The following RNF220 variants were observed in gnomAD, a reference collection of about 807,000 sequenced individuals.
RNF220 encodes the protein E3 ubiquitin-protein ligase RNF220.
RNF220 carries 7 observed loss-of-function variants against 67.1 expected under a neutral mutation model. The observed-to-expected ratio is 0.10, with a 90% CI of 0.06 to 0.20. The LOEUF (loss-of-function observed/expected upper bound fraction) is 0.20. RNF220 is among the 10% of genes least tolerant of loss of function. The pLI, the probability that RNF220 is intolerant of heterozygous loss-of-function variation, is 1.00. For synonymous variants in RNF220, 270 were observed against 283.2 expected (o/e 0.95, Z 0.47); for missense variants, 565 against 740.3 (o/e 0.76, Z 2.75).
rs1367038904 is a variant in RNF220, at chr1:44,649,675, C to T, written c.1460C>T (p.Ser487Leu). Reference protein sequence around the residue: ...NSDIEKITEDSAVTTFEALKA... With the variant: ...NSDIEKITEDLAVTTFEALKA... ...CCTTTTTACAGAATCACCGAAGATT[C>T]AGCTGTGACCACGTTTGAGGCTCTG... is the stretch of plus-strand genomic sequence containing the variant. The change falls in exon 13 of 15, where the codon TCA (serine) becomes TTA (leucine). Residue 487 changes from serine to leucine, a missense_variant. By Grantham distance (145) the Ser-to-Leu change is moderately radical. Coordinates refer to ENST00000361799, the MANE Select transcript of RNF220 (RefSeq NM_018150.4). This position sits in a 1 kb window ranked among gnomAD's most constrained non-coding sequence, Gnocchi z 5.9. 1 of 1,613,988 alleles carries T rather than the reference C, an allele frequency of 6.2e-7. No individual in the cohort carries two copies. Among genetic ancestry groups the T allele is most frequent in the East Asian group, 2.2e-5 (1 of 44,880 alleles).
Position 44,417,605 on chromosome 1 carries a change from GGA to G in RNF220, c.625+4884_625+4885del, listed in dbSNP as rs1648687299. 1.3e-5 allele frequency among the ~76,000 whole-genome samples: 2 copies of G among 152,194 alleles called. No homozygotes were observed. The highest frequency in any genetic ancestry group is 2.9e-5 in the Non-Finnish European group (2 of 68,032). ...TGCCTAATCACCATGGTGAGAAAACGGACACCGCAGCCGTCCTCCCTCCTCGC... is the reference window on the plus strand; with the variant it reads ...TGCCTAATCACCATGGTGAGAAAACGCACCGCAGCCGTCCTCCCTCCTCGC... On this transcript the variant is annotated intron_variant, in intron 2 of 14. Coordinates refer to ENST00000361799, the MANE Select transcript of RNF220 (RefSeq NM_018150.4). The surrounding 1 kb of genome is among the most constrained non-coding windows in gnomAD (Gnocchi z 4.0).
intron 2 of RNF220, among the ~76,000 whole-genome samples, chr1:44,526,358 A>G (rs759578915): frequency 6.6e-6 from 1 of 152,214 alleles, no homozygotes; most frequent in Non-Finnish European, 1.5e-5. Flanking sequence ...CATTCTCTGT[A>G]GATGACTTCA....
At chr1:44,511,987 C>T (rs535334889) in intron 2 of RNF220, among the ~76,000 whole-genome samples, 2 of 151,124 alleles carry the variant, frequency 1.3e-5, no homozygotes, top group African/African-American at 2.4e-5. Flanking sequence ...AACAGAATAG[C>T]GCTAAGTGAT....
chr1:44,407,450 G>A (rs1647464000), intron 1 of RNF220, among the ~76,000 whole-genome samples: 2 of 152,158 alleles, frequency 1.3e-5, no homozygotes, highest in Non-Finnish European at 1.5e-5. Flanking sequence ...GAGCGTCGAG[G>A]AAGAGCGGTG....
At chr1:44,427,325 G>A (rs1310387373) in intron 2 of RNF220, among the ~76,000 whole-genome samples, 1 of 152,170 alleles carries the variant, frequency 6.6e-6, no homozygotes, top group African/African-American at 2.4e-5. Flanking sequence ...TTCACTGTGT[G>A]CCAGACACTG....
At position 44,493,397 on chromosome 1, in the gene RNF220, C is replaced by G. The variant is rs562488082; in HGVS notation, c.625+80675C>G. 5.9e-5 allele frequency among the ~76,000 whole-genome samples: 9 copies of G among 152,156 alleles called. No individual in the cohort carries two copies. The South Asian group carries it at 1.7e-3, about 28-fold the overall frequency. ...GGCATGGTGGCGGGTGCCTGTAATCCCAGCTACTCGGGAGGTTGAGGCAGG... is the reference window on the plus strand; with the variant it reads ...GGCATGGTGGCGGGTGCCTGTAATCGCAGCTACTCGGGAGGTTGAGGCAGG... On this transcript the variant is annotated intron_variant, in intron 2 of 14. Coordinates refer to ENST00000361799, the MANE Select transcript of RNF220 (RefSeq NM_018150.4).
rs1396507462 is a variant in RNF220, at chr1:44,417,443, T to TCTGGC, written c.625+4727_625+4731dup. The stretch of plus-strand genomic sequence containing the variant: ...GCAGTCCCTGATGGCTGCAGAGCCA[T>TCTGGC]CTGGCCTGGCTTGGCTTGGCTCGGC... On this transcript the variant is annotated intron_variant, in intron 2 of 14. Coordinates refer to ENST00000361799, the MANE Select transcript of RNF220 (RefSeq NM_018150.4). This position sits in a 1 kb window ranked among gnomAD's most constrained non-coding sequence, Gnocchi z 4.0. Among the ~76,000 whole-genome samples the TCTGGC allele has an allele frequency of 6.6e-6, 1 of 152,206 alleles. No individual in the cohort carries two copies. The highest frequency in any genetic ancestry group is 1.5e-5 in the Non-Finnish European group (1 of 68,032).
chr1:44,639,916 A>G (rs1455425118), intron 8 of RNF220, among the ~76,000 whole-genome samples: 1 of 152,128 alleles, frequency 6.6e-6, no homozygotes, highest in African/African-American at 2.4e-5. Context: ...CAGCCTCCCG[A>G]GTAGCTGGGA....
chr1:44,566,431 C>T (rs1664020940), intron 2 of RNF220, among the ~76,000 whole-genome samples: 1 of 152,198 alleles, frequency 6.6e-6, no homozygotes, highest in South Asian at 2.1e-4. Flanking sequence ...AGCACCCTAG[C>T]CTATGGAGCA....
chr1:44,568,726 C>G (rs991027954), intron 2 of RNF220, among the ~76,000 whole-genome samples: 1 of 152,178 alleles, frequency 6.6e-6, no homozygotes. Flanking sequence ...GGCTGGGACG[C>G]GTGCAGAAGG....
intron 2 of RNF220, among the ~76,000 whole-genome samples, chr1:44,469,226 A>G (rs182531743): frequency 1.3e-5 from 2 of 152,368 alleles, no homozygotes; most frequent in East Asian, 3.9e-4. Flanking sequence ...TAAGTAGAGA[A>G]TAAATAACCA....
chr1:44,440,102 A>G, intron 2 of RNF220, among the ~76,000 whole-genome samples: 1 of 152,222 alleles, frequency 6.6e-6, no homozygotes, highest in South Asian at 2.1e-4. Context: ...CTAGAACTAT[A>G]AGTCATGGTA....
intron 2 of RNF220, among the ~76,000 whole-genome samples, chr1:44,448,144 C>G (rs1035615275): frequency 2.6e-5 from 4 of 152,102 alleles, no homozygotes; most frequent in Admixed American, 1.3e-4. Flanking sequence ...ACTAAAAATA[C>G]AAAAATTAGC....
intron 2 of RNF220, among the ~76,000 whole-genome samples, chr1:44,436,345 G>A (rs566793105): frequency 6.6e-6 from 1 of 152,014 alleles, no homozygotes; most frequent in South Asian, 2.1e-4. Context: ...CCAGTTTTAG[G>A]GGGGGTAATA....
intron 2 of RNF220, among the ~76,000 whole-genome samples, chr1:44,439,380 T>C (rs1651323382): frequency 1.3e-5 from 2 of 152,114 alleles, no homozygotes; most frequent in African/African-American, 4.8e-5. Flanking sequence ...TTACAGGGTT[T>C]CCATCTTTTT....
At chr1:44,575,427 C>G (rs2148329551) in intron 2 of RNF220, among the ~76,000 whole-genome samples, 1 of 152,280 alleles carries the variant, frequency 6.6e-6, no homozygotes, top group South Asian at 2.1e-4. Flanking sequence ...CAGGTTGACT[C>G]TGTATCTTTG....
At chr1:44,408,087 C>T (rs1647569421) in intron 1 of RNF220, among the ~76,000 whole-genome samples, 1 of 152,180 alleles carries the variant, frequency 6.6e-6, no homozygotes, top group Non-Finnish European at 1.5e-5. Flanking sequence ...AGAGGTCGGG[C>T]CAAAGAGTAG....
At chr1:44,502,755 T>C (rs1658040888) in intron 2 of RNF220, among the ~76,000 whole-genome samples, 1 of 151,854 alleles carries the variant, frequency 6.6e-6, no homozygotes, top group African/African-American at 2.4e-5. Context: ...TGAATTATTA[T>C]TATTATTATT....
chr1:44,588,364 C>T (rs557997469), intron 2 of RNF220, among the ~76,000 whole-genome samples: 61 of 152,362 alleles, frequency 4.0e-4, no homozygotes, highest in Non-Finnish European at 3.5e-4. Flanking sequence ...GGCACCAGCA[C>T]GGCCAGTAGG....
Sources: gnomAD v4.1 joint callset for allele counts (sites outside exome capture counted in the v4.1 genomes callset) on GRCh38, gnomAD v4.1.1 for gene constraint, Gnocchi (gnomAD v3.1) non-coding constraint, MANE v1.5 for transcripts, NCBI Gene and HGNC (gene_info 2026-07-23, HGNC 2026-07-21) for gene names.